NOS3: variants seen among roughly 807,000 people sequenced by gnomAD.
NOS3 encodes the protein NOS type III.
In NOS3, 98 loss-of-function variants were observed where a neutral mutation model predicts 144.9. The ratio of observed to expected loss-of-function variants is 0.68; its 90% CI spans 0.57 to 0.80. NOS3 has a LOEUF of 0.80. NOS3 is among the 30% of genes least tolerant of loss of function. NOS3 has a pLI of 0.00. For missense variants in NOS3, 1,465 were observed against 1,656.4 expected (o/e 0.88, Z 2.01); for synonymous variants, 714 against 702.4 (o/e 1.02, Z -0.26).
chr7:151,014,196 C>G lies in NOS3; in HGVS notation c.*27C>G. 1 of 1,581,536 alleles carries G rather than the reference C, an allele frequency of 6.3e-7. No individual in the cohort carries two copies. Reference sequence around the variant, plus strand: ...AGCCGCCTGGCTTTCCCTTCCAGTTCCGGGAGAGCGGCTGCCCGACTCAGG... The same window carrying G: ...AGCCGCCTGGCTTTCCCTTCCAGTTGCGGGAGAGCGGCTGCCCGACTCAGG... On this transcript the variant is annotated 3_prime_UTR_variant, in exon 27 of 27. Coordinates refer to ENST00000297494, the MANE Select transcript of NOS3 (RefSeq NM_000603.5).
Position 151,003,472 on chromosome 7 carries a change from C to A in NOS3, c.1752+1168C>A, listed in dbSNP as rs1795157898. Reference sequence around the variant, plus strand: ...GAATCTCGTGAAACCCTTTTTGCTGCCTTAGTGTCCGTTTCAGCCCTCATT... The same window carrying A: ...GAATCTCGTGAAACCCTTTTTGCTGACTTAGTGTCCGTTTCAGCCCTCATT... On this transcript the variant is annotated intron_variant, in intron 14 of 26. Transcript: ENST00000297494. This position sits in a 1 kb window ranked among gnomAD's most constrained non-coding sequence, Gnocchi z 4.1. The A allele has an allele frequency of 1.6e-6, 2 of 1,225,252 alleles. No homozygotes were observed. Among genetic ancestry groups the A allele is most frequent in the Non-Finnish European group, 2.1e-6 (2 of 953,808 alleles). The allele number at this position is 1,225,252 out of a possible 1,614,324, so 75.9% of individuals were successfully genotyped here. A position where few individuals can be genotyped will look rare whatever the true frequency, so the allele number is the denominator to read the frequency against.
rs142721517 is a variant in NOS3 at position 150,998,957 on chromosome 7, G to C, written c.828G>C (p.Gln276His). 49 of 1,612,182 alleles carry C rather than the reference G, an allele frequency of 3.0e-5. No homozygotes were observed. In the African/African-American group the frequency reaches 6.0e-4, roughly 20 times the overall value. ...ANVEITELCI[Q>H]HGWTPGNGRF... ...CCCACTCCCCACAGCTCTGCATTCAGCACGGCTGGACCCCAGGAAACGGTC... is the reference window on the plus strand; with the variant it reads ...CCCACTCCCCACAGCTCTGCATTCACCACGGCTGGACCCCAGGAAACGGTC... Residue 276 changes from glutamine (Q) to histidine (H), a missense_variant, in exon 8 of 27, where the codon CAG (glutamine) becomes CAC (histidine). By Grantham distance (24) the Gln-to-His change is conservative. Coordinates refer to ENST00000297494, the MANE Select transcript of NOS3 (RefSeq NM_000603.5). This position sits in a 1 kb window ranked among gnomAD's most constrained non-coding sequence, Gnocchi z 5.0.
In NOS3 at chr7:150,995,227, G is replaced by A; in HGVS notation, c.183G>A (p.Gln61=). 1 of 1,610,126 alleles carries A rather than the reference G, an allele frequency of 6.2e-7. No homozygotes were observed. The highest frequency in any genetic ancestry group is 1.1e-5 in the South Asian group (1 of 90,934). Residue 61 remains glutamine (Q), a synonymous_variant, in exon 3 of 27, where the codon CAG becomes CAA. Transcript: ENST00000297494. Reference sequence around the variant, plus strand: ...GCCCCCCGAGCTCCCCGCTAACCCAGCCCCCAGAGGGGCCCAAGTTCCCTC... The same window carrying A: ...GCCCCCCGAGCTCCCCGCTAACCCAACCCCCAGAGGGGCCCAAGTTCCCTC... ...EHSPPSSPLT[Q]PPEGPKFPRV... is the part of the protein sequence containing the mutation.
intron 10 of NOS3, among the ~76,000 whole-genome samples, chr7:151,000,898 A>T (rs1453932415): frequency 6.6e-6 from 1 of 152,078 alleles, no homozygotes; most frequent in Non-Finnish European, 1.5e-5. Flanking sequence ...GACCCGCTGG[A>T]TCCTGGAAAC....
chr7:151,001,208 C>T (rs1230570112), intron 10 of NOS3, 23 bp from the exon 11 acceptor site: 1 of 1,610,012 alleles, frequency 6.2e-7, no homozygotes, highest in Non-Finnish European at 8.5e-7. Context: ...GTTTGAGCCT[C>T]TCCCCCTCTC....
intron 15 of NOS3, 34 bp from the exon 16 acceptor site, chr7:151,006,855 C>G: frequency 6.5e-7 from 1 of 1,549,546 alleles, no homozygotes; most frequent in Non-Finnish European, 8.9e-7. Flanking sequence ...CCCCAGGGCC[C>G]TGTGACAACC....
chr7:150,992,819 T>A (rs1197351349), intron 1 of NOS3, among the ~76,000 whole-genome samples: 1 of 152,240 alleles, frequency 6.6e-6, no homozygotes, highest in Non-Finnish European at 1.5e-5. Context: ...GTGGACCAGA[T>A]GCCCAGCTAG....
chr7:150,999,862 G>C (rs1411811621), intron 9 of NOS3, among the ~76,000 whole-genome samples: 1 of 124,992 alleles, frequency 8.0e-6, no homozygotes, highest in Admixed American at 7.7e-5. Context: ...AGTTTGTAGG[G>C]GTAGGCGAGT....
chr7:151,004,180 T>C (rs1324142426), intron 14 of NOS3, among the ~76,000 whole-genome samples: 4 of 152,130 alleles, frequency 2.6e-5, no homozygotes, highest in Non-Finnish European at 5.9e-5. Context: ...CTACTAAAAA[T>C]ACAAAAATTA....
rs562012448 is a variant in NOS3, at chr7:150,994,906, G to A, written c.159-297G>A. ...AGGGTAGGGCTTATAGCAGCTTTGC[G>A]GGGGGTGGACACCCCATCTCCAGAA... On this transcript the variant is annotated intron_variant, in intron 2 of 26. Coordinates refer to ENST00000297494, the MANE Select transcript of NOS3 (RefSeq NM_000603.5). Among the ~76,000 whole-genome samples the A allele has an allele frequency of 1.1e-4, 16 of 152,276 alleles. No individual in the cohort carries two copies. In the South Asian group the frequency reaches 1.5e-3, roughly 14 times the overall value.
chr7:150,997,880 C>T (rs1201391826), intron 5 of NOS3, among the ~76,000 whole-genome samples: 1 of 152,186 alleles, frequency 6.6e-6, no homozygotes, highest in Non-Finnish European at 1.5e-5. Context: ...TCCCAGCCTC[C>T]TCCTGGGGCC....
At chr7:151,001,201 T>G in intron 10 of NOS3, 30 bp from the exon 11 acceptor site, 1 of 1,608,310 alleles carries the variant, frequency 6.2e-7, no homozygotes, top group Non-Finnish European at 8.5e-7. Context: ...GGGTCTGGTT[T>G]GAGCCTCTCC....
chr7:150,994,018 G>A, intron 2 of NOS3, 57 bp downstream of exon 2: 1 of 1,512,068 alleles, frequency 6.6e-7, no homozygotes, highest in Non-Finnish European at 8.8e-7. Flanking sequence ...AAGGCCTGAA[G>A]CCTGGGGCTG....
chr7:151,014,198 G>T lies in NOS3; in HGVS notation c.*29G>T. On this transcript the variant is annotated 3_prime_UTR_variant, in exon 27 of 27. Coordinates refer to ENST00000297494, the MANE Select transcript of NOS3 (RefSeq NM_000603.5). ...CCGCCTGGCTTTCCCTTCCAGTTCC[G>T]GGAGAGCGGCTGCCCGACTCAGGTC... 6.3e-7 allele frequency: 1 copy of T among 1,578,858 alleles called. No homozygotes were observed. The highest frequency in any genetic ancestry group is 8.6e-7 in the Non-Finnish European group (1 of 1,161,168).
Position 150,999,307 on chromosome 7 carries a change from G to A in NOS3, c.1074G>A (p.Met358Ile). The A allele has an allele frequency of 6.2e-7, 1 of 1,609,436 alleles. No homozygotes were observed. Among genetic ancestry groups the A allele is most frequent in the Middle Eastern group, 1.7e-4 (1 of 6,050 alleles). Reference sequence around the variant, plus strand: ...CAGCCCCCTTCAGTGGCTGGTACATGAGCACTGAGATCGGCACGAGGAACC... The same window carrying A: ...CAGCCCCCTTCAGTGGCTGGTACATAAGCACTGAGATCGGCACGAGGAACC... ...FPAAPFSGWY[M>I]STEIGTRNLC... Residue 358 changes from methionine to isoleucine, a missense_variant, in exon 9 of 27, where the codon ATG (methionine) becomes ATA (isoleucine). Met to Ile is a conservative substitution (Grantham distance 10). Around this residue, in one of 5 missense-constraint regions of NOS3, gnomAD observed 745 missense variants for 853.9 expected, o/e 0.87. Transcript: ENST00000297494.
At chr7:151,005,461 G>A (rs1318945055) in intron 14 of NOS3, among the ~76,000 whole-genome samples, 1 of 152,166 alleles carries the variant, frequency 6.6e-6, no homozygotes, top group Non-Finnish European at 1.5e-5. Context: ...ATGTCTGCTA[G>A]TGACCAGGAC....
At position 150,998,399 on chromosome 7, in the gene NOS3, A is replaced by G; in HGVS notation, c.625A>G (p.Thr209Ala). ...RDCRSAQEMFTYICNHIKYAT... is the reference protein window; with the variant it reads ...RDCRSAQEMFAYICNHIKYAT... ...CTGCAGGTCTGCACAGGAAATGTTC[A>G]CCTACATCTGCAACCACATCAAGTA... Residue 209 changes from threonine to alanine, a missense_variant, in exon 6 of 27, where the codon ACC becomes GCC. Thr to Ala is a moderately conservative substitution (Grantham distance 58). This residue lies in a region of NOS3 where 374 missense variants were observed against 377.0 expected (regional missense o/e 0.99). Coordinates refer to ENST00000297494, the MANE Select transcript of NOS3 (RefSeq NM_000603.5). This position sits in a 1 kb window ranked among gnomAD's most constrained non-coding sequence, Gnocchi z 5.0. The G allele has an allele frequency of 1.2e-6, 2 of 1,610,590 alleles. No homozygotes were observed. Among genetic ancestry groups the G allele is most frequent in the East Asian group, 4.5e-5 (2 of 44,844 alleles).
Position 151,013,275 on chromosome 7 carries a change from T to C in NOS3, c.3151T>C (p.Ser1051Pro). The change falls in exon 25 of 27, where the codon TCC becomes CCC. Residue 1051 changes from serine (S) to proline (P), a missense_variant. Ser to Pro is a moderately conservative substitution (Grantham distance 74). Transcript: ENST00000297494. ...GACTTTGGTGTTCGGCTGCCGATGC[T>C]CCCAACTTGACCATCTCTACCGCGA... Reference protein sequence around the residue: ...PMTLVFGCRCSQLDHLYRDEV... With the variant: ...PMTLVFGCRCPQLDHLYRDEV... 1 of 1,613,850 alleles carries C rather than the reference T, an allele frequency of 6.2e-7. No individual in the cohort carries two copies. The highest frequency in any genetic ancestry group is 8.5e-7 in the Non-Finnish European group (1 of 1,179,934).
At chr7:150,991,458 T>C (rs1242908865) in intron 1 of NOS3, among the ~76,000 whole-genome samples, 158 bp downstream of exon 1, 1 of 152,076 alleles carries the variant, frequency 6.6e-6, no homozygotes, top group African/African-American at 2.4e-5. Flanking sequence ...ACAGGACCAT[T>C]AGGGAGACAC....
Sources: allele counts gnomAD v4.1 joint callset (sites outside exome capture counted in the v4.1 genomes callset), GRCh38; gene constraint gnomAD v4.1.1; regional missense constraint gnomAD v4.1.1; non-coding constraint Gnocchi (gnomAD v3.1); transcripts MANE v1.5; gene names NCBI Gene and HGNC (gene_info 2026-07-23, HGNC 2026-07-21).